SDC3: variants seen among roughly 807,000 people sequenced by gnomAD.
SDC3 encodes the protein syndecan-3.
A neutral mutation model predicts 24.4 loss-of-function variants in SDC3; 13 were observed. The ratio of observed to expected loss-of-function variants is 0.53; its 90% CI spans 0.35 to 0.85. The LOEUF (loss-of-function observed/expected upper bound fraction) is 0.85. Ranked by LOEUF, SDC3 falls within the 40% of genes least tolerant of loss-of-function variation. The pLI is 0.01. For missense variants in SDC3, 571 were observed against 584.5 expected, an observed-to-expected ratio of 0.98 and a Z score of 0.24; for synonymous variants, 295 against 260.9, an observed-to-expected ratio of 1.13 and a Z score of -1.26.
intron 2 of SDC3, chr1:30,877,947 C>G (rs1228346281): frequency 6.6e-6 from 1 of 152,644 alleles, no homozygotes; most frequent in Non-Finnish European, 1.5e-5. Flanking sequence ...GTACCATCTC[C>G]TCAGATGCCA....
intron 1 of SDC3, among the ~76,000 whole-genome samples, chr1:30,890,904 T>C (rs1639895166): frequency 6.6e-6 from 1 of 152,144 alleles, no homozygotes; most frequent in African/African-American, 2.4e-5. Context: ...AGACCACAAG[T>C]GGGAGGCCCA....
At chr1:30,882,028 G>C (rs1368726124) in intron 1 of SDC3, among the ~76,000 whole-genome samples, 1 of 152,168 alleles carries the variant, frequency 6.6e-6, no homozygotes, top group Non-Finnish European at 1.5e-5. Flanking sequence ...AGACTATGCA[G>C]CTCATAGCAT....
Position 30,869,585 on chromosome 1 carries a change from C to T in SDC3, c.*3626G>A, listed in dbSNP as rs537456313. 29 of 393,220 alleles carry T rather than the reference C, an allele frequency of 7.4e-5. No individual in the cohort carries two copies. In the South Asian group the frequency reaches 2.1e-3, roughly 28 times the overall value. The allele number at this position is 393,220 out of a possible 1,614,324, so 24.4% of individuals were successfully genotyped here. ...AACAAAAACAAAACCAGTTCCTTCA[C>T]AAGGCTGGAACAGGAGAGTACCCGC... On this transcript the variant is annotated 3_prime_UTR_variant, in exon 5 of 5. Transcript: ENST00000339394.
rs747287231 is a variant in SDC3, at chr1:30,870,019, C to T, written c.*3192G>A. The T allele has an allele frequency of 2.5e-6, 1 of 397,648 alleles. No homozygotes were observed. Among genetic ancestry groups the T allele is most frequent in the African/African-American group, 2.1e-5 (1 of 48,736 alleles). The allele number at this position is 397,648 out of a possible 1,614,324, so 24.6% of individuals were successfully genotyped here. On this transcript the variant is annotated 3_prime_UTR_variant, in exon 5 of 5. Coordinates refer to ENST00000339394, the MANE Select transcript of SDC3 (RefSeq NM_014654.4). Reference sequence around the variant, plus strand: ...TGTACAGTTTGCGGGCTTCTATTTACAGGCAAGAGGCCTGGGGAGGCAAGT... The same window carrying T: ...TGTACAGTTTGCGGGCTTCTATTTATAGGCAAGAGGCCTGGGGAGGCAAGT...
chr1:30,894,079 G>T (rs1639948354), intron 1 of SDC3, among the ~76,000 whole-genome samples: 1 of 152,028 alleles, frequency 6.6e-6, no homozygotes, highest in Admixed American at 6.6e-5. Flanking sequence ...TTAAGAGTCA[G>T]GATTAAGGAC....
At chr1:30,890,528 G>A (rs1639889487) in intron 1 of SDC3, among the ~76,000 whole-genome samples, 1 of 152,228 alleles carries the variant, frequency 6.6e-6, no homozygotes, top group African/African-American at 2.4e-5. Flanking sequence ...AATGGGTACA[G>A]CGTTTCTTTC....
In SDC3 at chr1:30,873,105, A is replaced by T. The variant is rs1325891598; in HGVS notation, c.*106T>A. 6 of 808,620 alleles carry T rather than the reference A, an allele frequency of 7.4e-6. No homozygotes were observed. The East Asian group carries it at 1.2e-4, about 16-fold the overall frequency. 50.1% of individuals were successfully genotyped at this position (808,620 alleles called of 1,614,324 possible). ...ACCTTGGGAGAGAGGGCAGAGAAGA[A>T]CTGGGGCCAGGTTCCAGGCCCAGTC... On this transcript the variant is annotated 3_prime_UTR_variant, in exon 5 of 5. Coordinates refer to ENST00000339394, the MANE Select transcript of SDC3 (RefSeq NM_014654.4).
chr1:30,881,848 T>C (rs2124319502), intron 1 of SDC3, among the ~76,000 whole-genome samples: 1 of 152,306 alleles, frequency 6.6e-6, no homozygotes, highest in South Asian at 2.1e-4. Flanking sequence ...GAAACCCTTG[T>C]CCTGGACATT....
chr1:30,879,197 T>C (rs1639701455), intron 1 of SDC3, among the ~76,000 whole-genome samples: 1 of 151,988 alleles, frequency 6.6e-6, no homozygotes, highest in Non-Finnish European at 1.5e-5. Context: ...CTGGAGTTGA[T>C]ACAGAGCCAG....
intron 1 of SDC3, among the ~76,000 whole-genome samples, chr1:30,896,698 AGCATTTTGG>A (rs1449351110): frequency 2.6e-5 from 4 of 152,132 alleles, no homozygotes; most frequent in African/African-American, 9.7e-5. Context: ...TACATTTGGG[AGCATTTTGG>A]GCTCAGCATT....
chr1:30,898,430 G>T (rs1007661562), intron 1 of SDC3, among the ~76,000 whole-genome samples: 1 of 152,120 alleles, frequency 6.6e-6, no homozygotes, highest in African/African-American at 2.4e-5. Context: ...AGCCCCCTGG[G>T]GGTCCCTAGT....
rs1639871796 is a variant in SDC3 at position 30,889,161 on chromosome 1, A to G, written c.139-10421T>C. Among the ~76,000 whole-genome samples the G allele has an allele frequency of 2.0e-5, 3 of 152,334 alleles. No individual in the cohort carries two copies. In the South Asian group the frequency reaches 6.2e-4, roughly 32 times the overall value. ...CTGGGCAAGTCAGTCTACCTCTCTG[A>G]GCCTCAGTTTCTTCACCTACTAAAT... On this transcript the variant is annotated intron_variant, in intron 1 of 4. Coordinates refer to ENST00000339394, the MANE Select transcript of SDC3 (RefSeq NM_014654.4).
intron 1 of SDC3, among the ~76,000 whole-genome samples, chr1:30,895,187 C>T (rs940989696): frequency 2.0e-5 from 3 of 152,108 alleles, no homozygotes; most frequent in Non-Finnish European, 2.9e-5. Flanking sequence ...ACACCAGGGC[C>T]CCATGCATCA....
rs1639597869 is a variant in SDC3 at position 30,874,492 on chromosome 1, C to T, written c.967G>A (p.Glu323Lys). 1 of 1,614,162 alleles carries T rather than the reference C, an allele frequency of 6.2e-7. No homozygotes were observed. Among genetic ancestry groups the T allele is most frequent in the Non-Finnish European group, 8.5e-7 (1 of 1,180,018 alleles). ...TTGGCTGTGTCTGGTTGTGTGGTCT[C>T]TTCTTCTGGCAGCTCGAAGTCTCCA... The part of the protein sequence containing the change: ...PSGDFELPEE[E>K]TTQPDTANEV... Residue 323 changes from glutamate to lysine, a missense_variant, in exon 4 of 5, where the codon GAG becomes AAG. By Grantham distance (56) the Glu-to-Lys change is moderately conservative. Coordinates refer to ENST00000339394, the MANE Select transcript of SDC3 (RefSeq NM_014654.4).
intron 1 of SDC3, 92 bp from the exon 2 acceptor site, chr1:30,878,832 G>A (rs1639693575): frequency 1.1e-6 from 1 of 947,756 alleles, no homozygotes; most frequent in Non-Finnish European, 1.7e-6. Flanking sequence ...TGTGGGCTGA[G>A]TGACATCCAC....
intron 1 of SDC3, among the ~76,000 whole-genome samples, chr1:30,893,206 G>A (rs565469974): frequency 7.9e-4 from 119 of 150,064 alleles, no homozygotes; most frequent in African/African-American, 2.7e-3. Flanking sequence ...GCACCTCCAC[G>A]GTGCCCCAGG....
chr1:30,885,496 C>G (rs1033091618), intron 1 of SDC3, among the ~76,000 whole-genome samples: 2 of 152,242 alleles, frequency 1.3e-5, no homozygotes, highest in African/African-American at 4.8e-5. Context: ...CACATCCTCC[C>G]TGAGTCTCCA....
At position 30,869,556 on chromosome 1, in the gene SDC3, A is replaced by ACC. The variant is rs1490532318; in HGVS notation, c.*3654_*3655insGG. 2.2e-5 allele frequency: 8 copies of ACC among 366,056 alleles called. No homozygotes were observed. The highest frequency in any genetic ancestry group is 3.8e-5 in the Non-Finnish European group (8 of 212,922). 22.7% of individuals were successfully genotyped at this position (366,056 alleles called of 1,614,324 possible). On this transcript the variant is annotated 3_prime_UTR_variant, in exon 5 of 5. Coordinates refer to ENST00000339394, the MANE Select transcript of SDC3 (RefSeq NM_014654.4). ...ACAAACAAAAAAAAAAAAAAAAAAA[A>ACC]AAAAACAAAAACAAAACCAGTTCCT...
At position 30,874,600 on chromosome 1, in the gene SDC3, G is replaced by T. The variant is rs771735138; in HGVS notation, c.871-12C>A. Reference sequence around the variant, plus strand: ...TCTGGAGTTGGGGTCTGCAGAGAGGGTGGCATGAGCCCAGGACAACCACAC... The same window carrying T: ...TCTGGAGTTGGGGTCTGCAGAGAGGTTGGCATGAGCCCAGGACAACCACAC... On this transcript the variant is annotated splice_polypyrimidine_tract_variant and intron_variant, in intron 3 of 4. Transcript: ENST00000339394. The T allele has an allele frequency of 3.8e-5, 61 of 1,611,988 alleles. No individual in the cohort carries two copies. Among genetic ancestry groups the T allele is most frequent in the Non-Finnish European group, 4.7e-5 (55 of 1,178,888 alleles).
Sources: gnomAD v4.1 joint callset for allele counts (sites outside exome capture counted in the v4.1 genomes callset) on GRCh38, gnomAD v4.1.1 for gene constraint, MANE v1.5 for transcripts, NCBI Gene and HGNC (gene_info 2026-07-23, HGNC 2026-07-21) for gene names.